PARD3B: variants seen among roughly 807,000 people sequenced by gnomAD.
PARD3B encodes partitioning defective 3 homolog B.
In PARD3B, 103 loss-of-function variants were observed where a neutral mutation model predicts 130.2. The ratio of observed to expected loss-of-function variants is 0.79; its 90% CI spans 0.67 to 0.93. The LOEUF (loss-of-function observed/expected upper bound fraction) is 0.93. Among genes scored for constraint, PARD3B ranks in the 40% least tolerant of loss-of-function variants. The probability of loss-of-function intolerance (pLI) is 0.00; values close to 1 mark genes in which losing one functional copy is unlikely to be tolerated. For missense variants in PARD3B, 1,609 were observed against 1,499.2 expected, an observed-to-expected ratio of 1.07 and a Z score of -1.21; for synonymous variants, 583 against 553.2, an observed-to-expected ratio of 1.05 and a Z score of -0.76.
intron 10 of PARD3B, among the ~76,000 whole-genome samples, chr2:205,150,476 C>T (rs2033681312): frequency 6.6e-6 from 1 of 151,882 alleles, no homozygotes; most frequent in Non-Finnish European, 1.5e-5. Flanking sequence ...AACCAGGATT[C>T]TTGGAGGGAG....
At chr2:204,838,221 C>T (rs994673957) in intron 2 of PARD3B, among the ~76,000 whole-genome samples, 9 of 142,020 alleles carry the variant, frequency 6.3e-5, no homozygotes, top group African/African-American at 1.7e-4. Context: ...CTCACTCTGT[C>T]GCCCAGGCTG....
chr2:204,711,729 G>A (rs2038445363), intron 2 of PARD3B, among the ~76,000 whole-genome samples: 2 of 151,944 alleles, frequency 1.3e-5, no homozygotes, highest in Admixed American at 1.3e-4. Context: ...TCTATTTTCA[G>A]TAGAGATGGG....
chr2:205,500,031 G>A lies in PARD3B; in HGVS notation c.3180G>A (p.Trp1060Ter). 1 of 1,612,728 alleles carries A rather than the reference G, an allele frequency of 6.2e-7. No individual in the cohort carries two copies. Among genetic ancestry groups the A allele is most frequent in the Non-Finnish European group, 8.5e-7 (1 of 1,179,382 alleles). The change falls in exon 21 of 23, where the codon TGG (tryptophan) becomes TGA (stop). Residue 1060 changes from tryptophan to a stop codon, truncating the protein, a stop_gained and splice_region_variant. Coordinates refer to ENST00000406610, the MANE Select transcript of PARD3B (RefSeq NM_001302769.2). LOFTEE classifies it high-confidence loss of function. ...GGCCATCTGAGTATGACCTACTCTG[G>A]GTAAGCGCATGCATGATTTCAATCG... is the stretch of plus-strand genomic sequence containing the variant. The part of the protein sequence containing the change: ...RARPSEYDLL[W>*]VPGRGPDGNA...
chr2:204,775,255 T>G (rs1487689903), intron 2 of PARD3B, among the ~76,000 whole-genome samples: 1 of 152,152 alleles, frequency 6.6e-6, no homozygotes, highest in Non-Finnish European at 1.5e-5. Context: ...ATGTTTTAGT[T>G]ATCAGAAATT....
chr2:205,583,857 A>G (rs2054095565), intron 22 of PARD3B, among the ~76,000 whole-genome samples: 2 of 152,086 alleles, frequency 1.3e-5, no homozygotes, highest in South Asian at 2.1e-4. Context: ...CTACTGGCCT[A>G]TCTTCTAACT....
chr2:205,473,199 G>A lies in PARD3B; in HGVS notation c.3045-26697G>A, dbSNP rs928656694. ...ACATCTGCCATGATAATTCTCCACT[G>A]CTAGACCTCAGAAGACTCTCCCTTT... On this transcript the variant is annotated intron_variant, in intron 20 of 22. Coordinates refer to ENST00000406610, the MANE Select transcript of PARD3B (RefSeq NM_001302769.2). The surrounding 1 kb of genome is among the most constrained non-coding windows in gnomAD (Gnocchi z 4.9). Among the ~76,000 whole-genome samples, 4 of 152,076 alleles carry A rather than the reference G, an allele frequency of 2.6e-5. No individual in the cohort carries two copies. The highest frequency in any genetic ancestry group is 2.0e-4 in the Admixed American group (3 of 15,268).
chr2:204,869,695 A>G (rs1027266460), intron 2 of PARD3B, among the ~76,000 whole-genome samples: 3 of 152,074 alleles, frequency 2.0e-5, no homozygotes, highest in African/African-American at 4.8e-5. Flanking sequence ...GGGCTGAGAC[A>G]TGGAGGTAAT....
intron 2 of PARD3B, among the ~76,000 whole-genome samples, chr2:204,697,867 T>C (rs1454565814): frequency 6.6e-6 from 1 of 152,130 alleles, no homozygotes; most frequent in Non-Finnish European, 1.5e-5. Context: ...ACTTTGGGAA[T>C]GGTCGTGTGA....
At chr2:205,110,256 C>T (rs571097608) in intron 5 of PARD3B, among the ~76,000 whole-genome samples, 8 of 152,172 alleles carry the variant, frequency 5.3e-5, no homozygotes, top group Non-Finnish European at 1.0e-4. Context: ...TCTGCAGCTT[C>T]TATTGTATAT....
intron 21 of PARD3B, among the ~76,000 whole-genome samples, chr2:205,533,722 G>T (rs1335860072): frequency 3.3e-5 from 5 of 151,878 alleles, no homozygotes; most frequent in African/African-American, 9.7e-5. Flanking sequence ...GGTTTTGGGG[G>T]TTTTTTGTTT....
chr2:204,719,021 G>A (rs1274070719), intron 2 of PARD3B, among the ~76,000 whole-genome samples: 8 of 152,080 alleles, frequency 5.3e-5, no homozygotes, highest in Non-Finnish European at 1.2e-4. Context: ...ATACACATTG[G>A]GAGAAGTTAT....
At chr2:204,955,605 C>T (rs764302213) in intron 2 of PARD3B, among the ~76,000 whole-genome samples, 7 of 152,128 alleles carry the variant, frequency 4.6e-5, no homozygotes, top group Non-Finnish European at 8.8e-5. Flanking sequence ...AACATACTTG[C>T]AGCTTGGAAT....
chr2:204,667,802 C>G (rs952711523), intron 1 of PARD3B, among the ~76,000 whole-genome samples: 21 of 152,158 alleles, frequency 1.4e-4, no homozygotes, highest in African/African-American at 4.3e-4. Context: ...CTGTGCCTTT[C>G]ATGTAGTCAC....
intron 1 of PARD3B, among the ~76,000 whole-genome samples, chr2:204,559,780 A>C (rs1007326788): frequency 1.3e-5 from 2 of 152,236 alleles, no homozygotes; most frequent in South Asian, 2.1e-4. Flanking sequence ...AAAGACTTGC[A>C]ACCAACCCAA....
intron 18 of PARD3B, among the ~76,000 whole-genome samples, chr2:205,342,218 GATAGGC>G (rs2043568756): frequency 6.6e-6 from 1 of 152,156 alleles, no homozygotes; most frequent in African/African-American, 2.4e-5. Flanking sequence ...CAGGCACTCT[GATAGGC>G]ATTAGGAAGA....
chr2:204,998,777 G>A (rs542044988), intron 3 of PARD3B, among the ~76,000 whole-genome samples: 4 of 152,008 alleles, frequency 2.6e-5, no homozygotes, highest in African/African-American at 7.2e-5. Flanking sequence ...GCAATGGCGC[G>A]ATCTCGGCTC....
At chr2:205,399,419 A>G (rs2046160772) in intron 18 of PARD3B, among the ~76,000 whole-genome samples, 1 of 151,784 alleles carries the variant, frequency 6.6e-6, no homozygotes, top group Middle Eastern at 3.4e-3. Context: ...CAGTGGTGCC[A>G]TCTCGGCTCA....
At chr2:205,143,998 G>A (rs1027293233) in intron 10 of PARD3B, among the ~76,000 whole-genome samples, 1 of 152,136 alleles carries the variant, frequency 6.6e-6, no homozygotes, top group African/African-American at 2.4e-5. Flanking sequence ...TGGTGGATGG[G>A]ATTATTAGTT....
At chr2:204,634,977 C>G (rs1210346055) in intron 1 of PARD3B, among the ~76,000 whole-genome samples, 1 of 152,216 alleles carries the variant, frequency 6.6e-6, no homozygotes, top group Non-Finnish European at 1.5e-5. Flanking sequence ...TTCATCCTTT[C>G]CCTTTTTTAC....
Sources: gnomAD v4.1 joint callset for allele counts (sites outside exome capture counted in the v4.1 genomes callset) on GRCh38, gnomAD v4.1.1 for gene constraint, Gnocchi (gnomAD v3.1) non-coding constraint, MANE v1.5 for transcripts, NCBI Gene and HGNC (gene_info 2026-07-23, HGNC 2026-07-21) for gene names.